KSR2: variants seen among roughly 807,000 people sequenced by gnomAD.
The protein encoded by KSR2 is kinase suppressor of ras 2.
In KSR2, 25 loss-of-function variants were observed where a neutral mutation model predicts 107.8. The observed-to-expected ratio is 0.23, with a 90% CI of 0.17 to 0.32. The LOEUF is 0.32. Ranked by LOEUF, KSR2 falls within the 10% of genes least tolerant of loss-of-function variation. The pLI, the probability that KSR2 is intolerant of heterozygous loss-of-function variation, is 1.00. For missense variants in KSR2, 887 were observed against 1,268.9 expected (o/e 0.70, Z 4.57); for synonymous variants, 480 against 507.0 (o/e 0.95, Z 0.71).
chr12:117,754,527 G>C (rs1024560720), intron 4 of KSR2, among the ~76,000 whole-genome samples: 1 of 151,986 alleles, frequency 6.6e-6, no homozygotes, highest in African/African-American at 2.4e-5. Flanking sequence ...AATCCCAGCT[G>C]CTCAGGAGGC....
At chr12:117,636,113 G>A (rs1221041512) in intron 5 of KSR2, among the ~76,000 whole-genome samples, 11 of 152,100 alleles carry the variant, frequency 7.2e-5, no homozygotes, top group African/African-American at 2.6e-4. Context: ...ACTTTTAAAT[G>A]CTAGACTTTA....
intron 4 of KSR2, among the ~76,000 whole-genome samples, chr12:117,668,472 AAGGGAC>A (rs1430380052): frequency 2.6e-5 from 4 of 152,144 alleles, no homozygotes; most frequent in Admixed American, 1.3e-4. Context: ...TGATATAGAC[AAGGGAC>A]CCTGGGTGCC....
intron 1 of KSR2, among the ~76,000 whole-genome samples, chr12:117,899,658 C>T (rs1210705525): frequency 2.0e-5 from 3 of 152,174 alleles, no homozygotes; most frequent in Non-Finnish European, 2.9e-5. Flanking sequence ...TGGTATTGTC[C>T]TTGTATGACC....
intron 12 of KSR2, among the ~76,000 whole-genome samples, chr12:117,530,543 G>GTTA (rs1485797035): frequency 6.6e-6 from 1 of 152,150 alleles, no homozygotes; most frequent in Non-Finnish European, 1.5e-5. Context: ...ACTTTTGAAA[G>GTTA]TTATTCCATG....
chr12:117,956,312 A>T (rs950951352), intron 1 of KSR2, among the ~76,000 whole-genome samples: 3 of 150,050 alleles, frequency 2.0e-5, no homozygotes, highest in African/African-American at 7.4e-5. Flanking sequence ...TGATGCCTGT[A>T]ATCCCAGAAC....
chr12:117,786,155 C>G (rs61937743), intron 3 of KSR2, among the ~76,000 whole-genome samples: 4 of 152,010 alleles, frequency 2.6e-5, no homozygotes, highest in Admixed American at 2.6e-4. Flanking sequence ...AGACAAGTTA[C>G]TAGAACATCT....
At chr12:117,887,625 T>A (rs944264026) in intron 1 of KSR2, among the ~76,000 whole-genome samples, 1 of 152,062 alleles carries the variant, frequency 6.6e-6, no homozygotes, top group East Asian at 1.9e-4. Context: ...AACAAAGGAA[T>A]TGTTTAGTTA....
chr12:117,956,046 C>T (rs1465258376), intron 1 of KSR2, among the ~76,000 whole-genome samples: 1 of 150,798 alleles, frequency 6.6e-6, no homozygotes, highest in African/African-American at 2.4e-5. Context: ...GTCAGGAAAT[C>T]GAGACCATCC....
intron 3 of KSR2, among the ~76,000 whole-genome samples, chr12:117,849,772 A>G (rs1892849605): frequency 6.6e-6 from 1 of 152,226 alleles, no homozygotes; most frequent in Non-Finnish European, 1.5e-5. Flanking sequence ...AAGAGATGAC[A>G]TTCTTGGCCA....
At chr12:117,633,146 G>T (rs10850862) in intron 5 of KSR2, among the ~76,000 whole-genome samples, 36,352 of 152,144 alleles carry the variant, frequency 0.24, 4,559 homozygotes, top group African/African-American at 0.27. Context: ...ACATTTTTCA[G>T]CAACTCCTGC....
intron 4 of KSR2, among the ~76,000 whole-genome samples, chr12:117,672,263 A>C (rs142561947): frequency 6.6e-6 from 1 of 152,308 alleles, no homozygotes; most frequent in Non-Finnish European, 1.5e-5. Context: ...CTGTGTACTT[A>C]AGATTTAGTG....
At chr12:117,689,054 G>A (rs1016505374) in intron 4 of KSR2, among the ~76,000 whole-genome samples, 1 of 152,122 alleles carries the variant, frequency 6.6e-6, no homozygotes, top group African/African-American at 2.4e-5. Flanking sequence ...CTGTCTCAGT[G>A]TAAACTCTTC....
At chr12:117,695,129 G>A (rs761411407) in intron 4 of KSR2, among the ~76,000 whole-genome samples, 35 of 152,096 alleles carry the variant, frequency 2.3e-4, no homozygotes, top group Non-Finnish European at 4.1e-4. Context: ...GATTACAGGC[G>A]TGAGCCACCA....
chr12:117,556,224 G>A (rs1877688558), intron 8 of KSR2, among the ~76,000 whole-genome samples: 1 of 151,106 alleles, frequency 6.6e-6, no homozygotes, highest in African/African-American at 2.4e-5. Flanking sequence ...AGGGTGGGTG[G>A]GAGGGAGCCC....
intron 4 of KSR2, among the ~76,000 whole-genome samples, chr12:117,685,598 TCTGG>T (rs1885538946): frequency 6.6e-6 from 1 of 152,212 alleles, no homozygotes; most frequent in Admixed American, 6.5e-5. Context: ...CTGGCCTCCC[TCTGG>T]GGCCAAAGAG....
chr12:117,799,256 C>A (rs1482405306), intron 3 of KSR2, among the ~76,000 whole-genome samples: 1 of 152,178 alleles, frequency 6.6e-6, no homozygotes, highest in Admixed American at 6.5e-5. Flanking sequence ...AACCCCAGCA[C>A]TTTGTGAGGC....
chr12:117,926,099 A>C (rs2137477930), intron 1 of KSR2, among the ~76,000 whole-genome samples: 1 of 152,306 alleles, frequency 6.6e-6, no homozygotes, highest in South Asian at 2.1e-4. Context: ...CAGGAGGCTG[A>C]GGCAGGAGAA....
intron 3 of KSR2, among the ~76,000 whole-genome samples, chr12:117,784,416 C>T (rs7138952): frequency 0.53 from 80,029 of 152,070 alleles, 21,992 homozygotes; most frequent in East Asian, 0.74. Context: ...TCCCCAGCCA[C>T]GTGGAACAGT....
intron 1 of KSR2, among the ~76,000 whole-genome samples, chr12:117,957,807 G>A (rs1052617920): frequency 1.3e-5 from 2 of 150,110 alleles, no homozygotes; most frequent in African/African-American, 4.9e-5. Flanking sequence ...AAAGGAAAGG[G>A]CCAAGTCCTC....
Sources: gnomAD v4.1 joint callset for allele counts (sites outside exome capture counted in the v4.1 genomes callset) on GRCh38, gnomAD v4.1.1 for gene constraint, MANE v1.5 for transcripts, NCBI Gene and HGNC (gene_info 2026-07-23, HGNC 2026-07-21) for gene names.